CNBD1: variants seen among roughly 807,000 people sequenced by gnomAD.
CNBD1 encodes the protein cyclic nucleotide-binding domain-containing protein 1.
In CNBD1, 71 loss-of-function variants were observed where a neutral mutation model predicts 54.4. The ratio of observed to expected loss-of-function variants is 1.30; its 90% CI spans 1.08 to 1.59. The LOEUF (loss-of-function observed/expected upper bound fraction) is 1.59, where lower values mean the gene tolerates loss of function less well. Among genes scored for constraint, CNBD1 ranks in the 40% most tolerant of loss-of-function variants. The pLI is 0.00. For missense variants in CNBD1, 659 were observed against 518.0 expected (o/e 1.27, Z -2.64); for synonymous variants, 182 against 170.7 (o/e 1.07, Z -0.51).
chr8:87,161,411 A>T (rs1048526768), intron 4 of CNBD1, among the ~76,000 whole-genome samples: 4 of 152,124 alleles, frequency 2.6e-5, no homozygotes, highest in African/African-American at 9.7e-5. Flanking sequence ...AAATTATGAA[A>T]GGAAGACTGA....
chr8:87,018,755 A>G (rs1809420629), intron 4 of CNBD1, among the ~76,000 whole-genome samples: 1 of 152,188 alleles, frequency 6.6e-6, no homozygotes, highest in Admixed American at 6.5e-5. Flanking sequence ...CTAAAACTAT[A>G]CAAGCCGCCT....
At chr8:87,028,020 T>G (rs1179517813) in intron 4 of CNBD1, among the ~76,000 whole-genome samples, 1 of 151,924 alleles carries the variant, frequency 6.6e-6, no homozygotes, top group African/African-American at 2.4e-5. Context: ...ACAAAAGACA[T>G]TCACTTCCCT....
At chr8:86,900,167 T>C (rs1808911205) in intron 2 of CNBD1, among the ~76,000 whole-genome samples, 1 of 152,150 alleles carries the variant, frequency 6.6e-6, no homozygotes, top group Admixed American at 6.5e-5. Flanking sequence ...AGATTTTTTT[T>C]CTTTTTTTGC....
intron 8 of CNBD1, among the ~76,000 whole-genome samples, chr8:87,314,815 A>G (rs190128660): frequency 1.3e-5 from 2 of 152,184 alleles, no homozygotes; most frequent in Admixed American, 1.3e-4. Context: ...GAAAAAAGTT[A>G]CCAAGTAATA....
At position 87,248,839 on chromosome 8, in the gene CNBD1, G is replaced by A. The variant is rs116962199; in HGVS notation, c.771+11727G>A. On this transcript the variant is annotated intron_variant, in intron 6 of 10. Transcript: ENST00000518476. ...GTTAGCTTGTGGGCTTACCAAAACT[G>A]TGACTGAGACAAGTACACAGTGCAG... Among the ~76,000 whole-genome samples, 43 of 152,234 alleles carry A rather than the reference G, an allele frequency of 2.8e-4. No homozygotes were observed. The East Asian group carries it at 7.6e-3, about 27-fold the overall frequency.
At chr8:86,965,665 G>C (rs907466984) in intron 4 of CNBD1, among the ~76,000 whole-genome samples, 1 of 152,124 alleles carries the variant, frequency 6.6e-6, no homozygotes, top group Non-Finnish European at 1.5e-5. Flanking sequence ...TCTTTGGGGG[G>C]TGGATTTTCT....
At chr8:87,320,616 G>A (rs560433522) in intron 8 of CNBD1, among the ~76,000 whole-genome samples, 10 of 129,638 alleles carry the variant, frequency 7.7e-5, no homozygotes, top group Non-Finnish European at 1.6e-4. Context: ...GCACGTGTGT[G>A]TGTGGGGGGG....
At chr8:86,982,609 C>A (rs1808512926) in intron 4 of CNBD1, among the ~76,000 whole-genome samples, 1 of 152,160 alleles carries the variant, frequency 6.6e-6, no homozygotes, top group African/African-American at 2.4e-5. Context: ...AACTATGAGT[C>A]TATTTCTGAA....
At chr8:87,061,194 A>G (rs540434738) in intron 4 of CNBD1, among the ~76,000 whole-genome samples, 2 of 152,174 alleles carry the variant, frequency 1.3e-5, no homozygotes, top group Non-Finnish European at 2.9e-5. Flanking sequence ...CTCAACACTC[A>G]CCAATCGGTG....
intron 2 of CNBD1, 80 bp downstream of exon 2, chr8:86,887,691 A>G (rs1808701919): frequency 1.0e-6 from 1 of 988,866 alleles, no homozygotes; most frequent in African/African-American, 1.6e-5. Context: ...TATAGTAATA[A>G]ACCATTGCTG....
intron 6 of CNBD1, among the ~76,000 whole-genome samples, chr8:87,246,796 G>T (rs772720752): frequency 1.3e-5 from 2 of 152,006 alleles, no homozygotes; most frequent in Non-Finnish European, 2.9e-5. Context: ...GACTAGGGGT[G>T]GGGGATGGTT....
intron 6 of CNBD1, among the ~76,000 whole-genome samples, chr8:87,245,906 A>G (rs962438434): frequency 6.6e-6 from 1 of 152,022 alleles, no homozygotes; most frequent in African/African-American, 2.4e-5. Flanking sequence ...CATTATTAGC[A>G]GTATTTATGA....
At chr8:87,244,283 A>G (rs1807759224) in intron 6 of CNBD1, among the ~76,000 whole-genome samples, 1 of 152,188 alleles carries the variant, frequency 6.6e-6, no homozygotes, top group African/African-American at 2.4e-5. Flanking sequence ...CAAAGGTGAC[A>G]ATCAGCTATG....
At chr8:86,960,499 G>C (rs1365488727) in intron 4 of CNBD1, among the ~76,000 whole-genome samples, 1 of 152,136 alleles carries the variant, frequency 6.6e-6, no homozygotes. Context: ...CTTGAACTGG[G>C]TGGAGCCCAC....
At chr8:86,901,736 G>T (rs1013263750) in intron 2 of CNBD1, among the ~76,000 whole-genome samples, 7 of 152,286 alleles carry the variant, frequency 4.6e-5, no homozygotes, top group African/African-American at 1.7e-4. Context: ...CATCAAGCTG[G>T]ATGGGAAAAG....
At chr8:87,338,064 A>T (rs1809985461) in intron 8 of CNBD1, among the ~76,000 whole-genome samples, 1 of 152,184 alleles carries the variant, frequency 6.6e-6, no homozygotes, top group Non-Finnish European at 1.5e-5. Context: ...GTGTACTTAA[A>T]AGAAATTAGA....
At chr8:87,010,450 T>TA (rs1297494778) in intron 4 of CNBD1, among the ~76,000 whole-genome samples, 6 of 152,072 alleles carry the variant, frequency 3.9e-5, no homozygotes, top group Non-Finnish European at 7.4e-5. Context: ...TTTTACTCTT[T>TA]AAAAAAATGA....
intron 3 of CNBD1, among the ~76,000 whole-genome samples, chr8:86,931,320 A>G (rs1249148455): frequency 6.6e-6 from 1 of 152,118 alleles, no homozygotes; most frequent in Non-Finnish European, 1.5e-5. Flanking sequence ...TGATGACATG[A>G]GCTGGCACTT....
intron 4 of CNBD1, among the ~76,000 whole-genome samples, chr8:86,983,409 G>T (rs959731692): frequency 6.6e-6 from 1 of 152,110 alleles, no homozygotes; most frequent in African/African-American, 2.4e-5. Flanking sequence ...AGTAGAGTGG[G>T]GCACTGCTGA....
Sources: gnomAD v4.1 joint callset for allele counts (sites outside exome capture counted in the v4.1 genomes callset) on GRCh38, gnomAD v4.1.1 for gene constraint, MANE v1.5 for transcripts, NCBI Gene and HGNC (gene_info 2026-07-23, HGNC 2026-07-21) for gene names.